Variants in IL17REL observed in about 807,000 individuals in gnomAD.
IL17REL encodes interleukin-17 receptor E-like protein.
IL17REL carries 36 observed loss-of-function variants against 49.0 expected under a neutral mutation model. That is an observed-to-expected ratio of 0.73 (90% CI 0.56 to 0.97). The LOEUF (loss-of-function observed/expected upper bound fraction) is 0.97. IL17REL is among the 50% of genes least tolerant of loss of function. IL17REL has a pLI of 0.00. For synonymous variants in IL17REL, 206 were observed against 192.4 expected, an observed-to-expected ratio of 1.07 and a Z score of -0.58; for missense variants, 470 against 453.9, an observed-to-expected ratio of 1.04 and a Z score of -0.32.
chr22:49,999,707 G>GGGGCGGGGCGCGGGGGGT (rs1450950075), intron 5 of IL17REL, 121 bp downstream of exon 7: 4 of 548,920 alleles, frequency 7.3e-6, no homozygotes, highest in Non-Finnish European at 4.9e-6. Flanking sequence ...GGCCTGGCCG[G>GGGGCGGGGCGCGGGGGGT]GGGCGGGGCG....
chr22:49,995,738 A>C (rs572077138), exon 13 of IL17REL: 1 of 152,410 alleles, frequency 6.6e-6, no homozygotes, highest in Admixed American at 6.5e-5. Context: ...GTGGCTGTGG[A>C]CAGCAGCCTT....
intron 1 of IL17REL, among the ~76,000 whole-genome samples, chr22:50,006,679 C>T (rs561379085): frequency 6.6e-5 from 10 of 152,184 alleles, no homozygotes; most frequent in African/African-American, 1.7e-4. Context: ...TGGGGCCGGG[C>T]GCAGTGGCTC....
At position 50,000,485 on chromosome 22, in the gene IL17REL, G is replaced by A. The variant is rs140207636; in HGVS notation, c.327C>T (p.Leu109=). ...GGGCCCTGGGGACCCTACCTTCCACGAGGTGCCTCTGGTCCAGCTGGACCC... is the reference window on the plus strand; with the variant it reads ...GGGCCCTGGGGACCCTACCTTCCACAAGGTGCCTCTGGTCCAGCTGGACCC... Residue 109 remains leucine, a synonymous_variant, in exon 4 of 13, where the codon CTC becomes CTT. Coordinates refer to ENST00000341280, the Ensembl canonical transcript of IL17REL. 3.7e-6 allele frequency: 6 copies of A among 1,611,988 alleles called. No homozygotes were observed. The African/African-American group carries it at 4.0e-5, about 11-fold the overall frequency.
chr22:49,997,638 A>G, intron 10 of IL17REL, 47 bp downstream of exon 12: 1 of 1,557,148 alleles, frequency 6.4e-7, no homozygotes. Context: ...GATATAAAGG[A>G]TGTTCTGTGC....
chr22:49,999,993 G>A (rs1419121209), intron 4 of IL17REL, 26 bp from the exon 7 acceptor site: 2 of 1,487,158 alleles, frequency 1.3e-6, no homozygotes, highest in Non-Finnish European at 9.0e-7. Context: ...AGTCGGGGCC[G>A]CGCTGGGACC....
downstream of IL17REL, among the ~76,000 whole-genome samples, chr22:49,992,097 C>A (rs1012752152): frequency 3.3e-5 from 5 of 152,182 alleles, no homozygotes; most frequent in African/African-American, 1.2e-4. Context: ...ATCAGATATG[C>A]ATTTATCTCA....
At chr22:50,003,393 C>T (rs79260000) in intron 1 of IL17REL, among the ~76,000 whole-genome samples, 14 of 151,896 alleles carry the variant, frequency 9.2e-5, no homozygotes, top group African/African-American at 3.4e-4. Flanking sequence ...TGGTGGCTCA[C>T]GCCTGTAATC....
At chr22:50,011,043 C>T (rs1328384606), upstream of IL17REL, among the ~76,000 whole-genome samples, 1 of 151,746 alleles carries the variant, frequency 6.6e-6, no homozygotes, top group Non-Finnish European at 1.5e-5. Flanking sequence ...GCCTCCCCTC[C>T]CTGGCTTCCC....
exon 4 of IL17REL, chr22:50,000,489 T>C (rs200435042): frequency 3.1e-6 from 5 of 1,612,570 alleles, no homozygotes; most frequent in Middle Eastern, 1.7e-4. Context: ...TTCCACGAGG[T>C]GCCTCTGGTC....
chr22:50,000,768 G>C lies in IL17REL; in HGVS notation c.205C>G (p.Gln69Glu). The change falls in exon 3 of 13, where the codon CAG becomes GAG. Residue 69 changes from glutamine to glutamate, a missense_variant. Coordinates refer to ENST00000341280, the Ensembl canonical transcript of IL17REL. ...CTTGGCCTCACCTGCTGCCCCCCCTGCTGCCGGTGGGAGGCCCTGGCCACC... is the reference window on the plus strand; with the variant it reads ...CTTGGCCTCACCTGCTGCCCCCCCTCCTGCCGGTGGGAGGCCCTGGCCACC... The C allele has an allele frequency of 1.9e-6, 3 of 1,591,654 alleles. No homozygotes were observed. In the East Asian group the frequency reaches 6.7e-5, roughly 36 times the overall value.
Position 49,998,079 on chromosome 22 carries a change from G to T in IL17REL, c.775-10C>A, listed in dbSNP as rs756649778. ...CCAGCGGGTACTGCACCTGAGGAGG[G>T]CTGGGGTCAGGCTGTGGCATCCATG... On this transcript the variant is annotated splice_polypyrimidine_tract_variant and intron_variant, in intron 8 of 12. Transcript: ENST00000341280. 36 of 1,593,564 alleles carry T rather than the reference G, an allele frequency of 2.3e-5. No homozygotes were observed. Among genetic ancestry groups the T allele is most frequent in the Non-Finnish European group, 2.9e-5 (34 of 1,172,350 alleles).
intron 2 of IL17REL, 76 bp from the exon 4 acceptor site, chr22:50,000,939 G>C: frequency 7.6e-7 from 1 of 1,312,608 alleles, no homozygotes; most frequent in Non-Finnish European, 1.0e-6. Flanking sequence ...GTGGGACCCT[G>C]TTCCTCTGCC....
At chr22:50,001,877 G>A (rs887427192) in intron 1 of IL17REL, among the ~76,000 whole-genome samples, 1 of 152,218 alleles carries the variant, frequency 6.6e-6, no homozygotes, top group East Asian at 1.9e-4. Context: ...TGTTCCACAG[G>A]AGGACTGCCA....
At chr22:50,006,148 A>G (rs137857) in intron 1 of IL17REL, among the ~76,000 whole-genome samples, 84,441 of 151,722 alleles carry the variant, frequency 0.56, 23,923 homozygotes, top group South Asian at 0.77. Context: ...ACGTTGAGCT[A>G]GGCCTTGACC....
chr22:49,997,964 G>A (rs559620774), intron 9 of IL17REL, 61 bp downstream of exon 11: 49 of 931,410 alleles, frequency 5.3e-5, no homozygotes, highest in African/African-American at 2.4e-4. Context: ...CCCACTCCCC[G>A]CCCTGATGCC....
downstream of IL17REL, among the ~76,000 whole-genome samples, chr22:49,992,009 A>G (rs1256460517): frequency 6.6e-6 from 1 of 152,162 alleles, no homozygotes; most frequent in East Asian, 1.9e-4. Flanking sequence ...CAAATTGGAG[A>G]GGGGGCTTCT....
At chr22:50,001,697 G>T (rs960812147) in intron 1 of IL17REL, among the ~76,000 whole-genome samples, 1 of 152,250 alleles carries the variant, frequency 6.6e-6, no homozygotes, top group African/African-American at 2.4e-5. Context: ...GGGAGGACTT[G>T]CCCCCAGGGC....
chr22:49,997,184 T>A, intron 11 of IL17REL, 110 bp from the exon 14 acceptor site: 1 of 1,373,132 alleles, frequency 7.3e-7, no homozygotes, highest in Non-Finnish European at 1.0e-6. Context: ...TGGCCTCCCA[T>A]CCCTCCCTGC....
At chr22:49,997,997 G>A (rs1273225905) in intron 9 of IL17REL, 28 bp downstream of exon 11, 1 of 1,594,766 alleles carries the variant, frequency 6.3e-7, no homozygotes, top group South Asian at 1.1e-5. Flanking sequence ...CCCAAATAGG[G>A]CACTGGCAGG....
Sources: allele counts gnomAD v4.1 joint callset (sites outside exome capture counted in the v4.1 genomes callset), GRCh38; gene constraint gnomAD v4.1.1; transcripts MANE v1.5; gene names NCBI Gene and HGNC (gene_info 2026-07-23, HGNC 2026-07-21).